Variants in SMIM14 observed in about 807,000 individuals in gnomAD.
SMIM14 encodes the protein chromosome 4 open reading frame 34.
Under a neutral mutation model 12.6 loss-of-function variants are expected in SMIM14, and 5 were observed. The observed-to-expected ratio is 0.40, with a 90% CI of 0.21 to 0.83. The LOEUF (loss-of-function observed/expected upper bound fraction) is 0.83, where lower values mean the gene tolerates loss of function less well. SMIM14 is among the 40% of genes least tolerant of loss of function. The probability of loss-of-function intolerance (pLI) is 0.37; values close to 1 mark genes in which losing one functional copy is unlikely to be tolerated. For synonymous variants in SMIM14, 30 were observed against 40.1 expected (o/e 0.75, Z 0.95); for missense variants, 86 against 119.1 (o/e 0.72, Z 1.29).
intron 2 of SMIM14, among the ~76,000 whole-genome samples, chr4:39,601,909 T>A (rs1328980215): frequency 2.8e-5 from 4 of 144,790 alleles, no homozygotes; most frequent in African/African-American, 1.0e-4. Context: ...ACCACACCAC[T>A]GCATTTCAGC....
intron 3 of SMIM14, among the ~76,000 whole-genome samples, chr4:39,562,172 G>A (rs1712341854): frequency 6.7e-6 from 1 of 150,282 alleles, no homozygotes; most frequent in Non-Finnish European, 1.5e-5. Flanking sequence ...CCAGGCGTTT[G>A]AGACCAGCCT....
intron 1 of SMIM14, among the ~76,000 whole-genome samples, chr4:39,634,275 A>T (rs913386858): frequency 6.6e-6 from 1 of 152,194 alleles, no homozygotes; most frequent in African/African-American, 2.4e-5. Flanking sequence ...AGGCAAAAAG[A>T]CCAACAAAAC....
chr4:39,569,000 T>C (rs1018963853), intron 3 of SMIM14, among the ~76,000 whole-genome samples: 1 of 152,124 alleles, frequency 6.6e-6, no homozygotes, highest in Non-Finnish European at 1.5e-5. Flanking sequence ...GCGGGGCTGG[T>C]TAAAGAGTCA....
intron 2 of SMIM14, among the ~76,000 whole-genome samples, chr4:39,597,656 C>G (rs528284295): frequency 4.1e-4 from 63 of 152,048 alleles, no homozygotes; most frequent in Admixed American, 3.3e-3. Context: ...GTTGGCCAGA[C>G]TGTCACTGGT....
intron 1 of SMIM14, among the ~76,000 whole-genome samples, chr4:39,635,161 C>A (rs146803763): frequency 3.3e-5 from 5 of 152,248 alleles, no homozygotes; most frequent in Admixed American, 6.5e-5. Flanking sequence ...GAAGCCCCAG[C>A]GTTCAGCAAA....
At chr4:39,606,845 T>C (rs1389980682) in intron 1 of SMIM14, among the ~76,000 whole-genome samples, 1 of 152,008 alleles carries the variant, frequency 6.6e-6, no homozygotes, top group Non-Finnish European at 1.5e-5. Context: ...AGAATGACTA[T>C]ATTAAGGAGA....
chr4:39,609,840 A>G (rs969650406), intron 1 of SMIM14, among the ~76,000 whole-genome samples: 1 of 152,240 alleles, frequency 6.6e-6, no homozygotes, highest in African/African-American at 2.4e-5. Context: ...CTCTTTCAAC[A>G]GATCAGCGAC....
rs1747429600 is a variant in SMIM14, at chr4:39,548,422, G to A, written c.*3704C>T. Reference sequence around the variant, plus strand: ...TTGCCCAGGCTAGTCTCAAACTCCTGGGCTCAAGCAGTTCTTGCCTCAGCC... The same window carrying A: ...TTGCCCAGGCTAGTCTCAAACTCCTAGGCTCAAGCAGTTCTTGCCTCAGCC... On this transcript the variant is annotated 3_prime_UTR_variant, in exon 5 of 5. Coordinates refer to ENST00000295958, the MANE Select transcript of SMIM14 (RefSeq NM_174921.3). The A allele has an allele frequency of 6.7e-6, 1 of 150,132 alleles. No individual in the cohort carries two copies. 9.3% of individuals were successfully genotyped at this position (150,132 alleles called of 1,614,324 possible).
At chr4:39,624,605 C>T (rs1394325323) in intron 1 of SMIM14, among the ~76,000 whole-genome samples, 1 of 151,428 alleles carries the variant, frequency 6.6e-6, no homozygotes, top group Non-Finnish European at 1.5e-5. Context: ...AGGCGGATCA[C>T]CTGAGGTCAG....
At chr4:39,607,055 C>T (rs1344055552) in intron 1 of SMIM14, among the ~76,000 whole-genome samples, 1 of 152,094 alleles carries the variant, frequency 6.6e-6, no homozygotes, top group African/African-American at 2.4e-5. Flanking sequence ...TAGTCCCAGC[C>T]ACTTGGGTGG....
chr4:39,583,076 G>A (rs1713601863), intron 2 of SMIM14, among the ~76,000 whole-genome samples: 1 of 152,008 alleles, frequency 6.6e-6, no homozygotes, highest in South Asian at 2.1e-4. Flanking sequence ...ACACGCGTGA[G>A]CCACCGCATC....
chr4:39,605,028 G>C, intron 2 of SMIM14, 43 bp downstream of exon 2: 1 of 1,175,098 alleles, frequency 8.5e-7, no homozygotes, highest in Non-Finnish European at 1.3e-6. Context: ...GGATACAAGG[G>C]ATACAGATCA....
intron 1 of SMIM14, among the ~76,000 whole-genome samples, chr4:39,634,156 C>T (rs1484620168): frequency 1.3e-5 from 2 of 152,080 alleles, no homozygotes; most frequent in Admixed American, 6.6e-5. Flanking sequence ...CTCAATCTCT[C>T]GACCTCGTGA....
At chr4:39,626,936 T>C (rs1715724937) in intron 1 of SMIM14, among the ~76,000 whole-genome samples, 1 of 152,198 alleles carries the variant, frequency 6.6e-6, no homozygotes, top group Non-Finnish European at 1.5e-5. Context: ...TCAGGTGCCT[T>C]AGTCTATTGG....
chr4:39,570,704 TG>T (rs1712837939), intron 3 of SMIM14, among the ~76,000 whole-genome samples: 1 of 152,042 alleles, frequency 6.6e-6, no homozygotes, highest in Non-Finnish European at 1.5e-5. Flanking sequence ...TCATCCAGGC[TG>T]GAGTGCAGTG....
chr4:39,603,383 C>A (rs1177793605), intron 2 of SMIM14, among the ~76,000 whole-genome samples: 1 of 151,792 alleles, frequency 6.6e-6, no homozygotes, highest in African/African-American at 2.4e-5. Flanking sequence ...ATGGTGAAAC[C>A]CCATTTCTAC....
chr4:39,590,312 C>G (rs771542087), intron 2 of SMIM14, among the ~76,000 whole-genome samples: 2 of 151,094 alleles, frequency 1.3e-5, no homozygotes, highest in African/African-American at 2.4e-5. Flanking sequence ...ACTCAGGAGG[C>G]TGAGGCAGGA....
chr4:39,560,318 G>A (rs1379006422), intron 3 of SMIM14, among the ~76,000 whole-genome samples: 3 of 142,926 alleles, frequency 2.1e-5, no homozygotes, highest in Non-Finnish European at 3.0e-5. Flanking sequence ...CGCGATCTCC[G>A]CTCACTACAA....
chr4:39,610,767 A>C (rs543660111), intron 1 of SMIM14, among the ~76,000 whole-genome samples: 1 of 152,094 alleles, frequency 6.6e-6, no homozygotes. Flanking sequence ...AAGAGAATAA[A>C]ATTTTAGGGA....
Sources: allele counts gnomAD v4.1 joint callset (sites outside exome capture counted in the v4.1 genomes callset), GRCh38; gene constraint gnomAD v4.1.1; transcripts MANE v1.5; gene names NCBI Gene and HGNC (gene_info 2026-07-23, HGNC 2026-07-21).